Variants in USP21 observed in about 807,000 individuals in gnomAD.
USP21 encodes ubiquitin carboxyl-terminal hydrolase 21.
Under a neutral mutation model 70.8 loss-of-function variants are expected in USP21, and 37 were observed. The observed-to-expected ratio is 0.52, with a 90% confidence interval of 0.40 to 0.69. The LOEUF (loss-of-function observed/expected upper bound fraction) is 0.69. Among genes scored for constraint, USP21 ranks in the 30% least tolerant of loss-of-function variants. The probability of loss-of-function intolerance (pLI) is 0.00; values close to 1 mark genes in which losing one functional copy is unlikely to be tolerated. For synonymous variants in USP21, 263 were observed against 283.1 expected (o/e 0.93, Z 0.71); for missense variants, 584 against 740.8 (o/e 0.79, Z 2.46).
Position 161,164,814 on chromosome 1 carries a change from T to A in USP21, c.1385-21T>A. On this transcript the variant is annotated intron_variant, in intron 11 of 13. Transcript: ENST00000368002. This position sits in a 1 kb window ranked among gnomAD's most constrained non-coding sequence, Gnocchi z 4.2. Reference sequence around the variant, plus strand: ...CCTCAGAGGCCCACTGCCTCCCAAATGCTCCTTAACCAGGGCTTAGATCTG... The same window carrying A: ...CCTCAGAGGCCCACTGCCTCCCAAAAGCTCCTTAACCAGGGCTTAGATCTG... The A allele has an allele frequency of 6.2e-7, 1 of 1,609,484 alleles. No individual in the cohort carries two copies. The highest frequency in any genetic ancestry group is 1.1e-5 in the South Asian group (1 of 90,766).
chr1:161,164,580 C>T lies in USP21; in HGVS notation c.1352C>T (p.Thr451Ile), dbSNP rs764610442. ...AAAACTCGAAGTACCAAAAAGTTGA[C>T]AGTACAAAGATTCCCTCGAATCCTC... is the stretch of plus-strand genomic sequence containing the variant. ...RQKTRSTKKL[T>I]VQRFPRILVL... The change falls in exon 11 of 14, where the codon ACA becomes ATA. Residue 451 changes from threonine (T) to isoleucine (I), a missense_variant. By Grantham distance (89) the Thr-to-Ile change is moderately conservative. Transcript: ENST00000368002. This position sits in a 1 kb window ranked among gnomAD's most constrained non-coding sequence, Gnocchi z 4.2. 10 of 1,614,212 alleles carry T rather than the reference C, an allele frequency of 6.2e-6. No homozygotes were observed. Among genetic ancestry groups the T allele is most frequent in the Non-Finnish European group, 8.5e-6 (10 of 1,180,028 alleles).
At position 161,160,672 on chromosome 1, in the gene USP21, G is replaced by A. The variant is rs780111343; in HGVS notation, c.32G>A (p.Arg11His). Reference sequence around the variant, plus strand: ...CAGGCCTCTGAGCACCGCCTGGGCCGTACCCGAGAGCCACCTGTTAATATC... The same window carrying A: ...CAGGCCTCTGAGCACCGCCTGGGCCATACCCGAGAGCCACCTGTTAATATC... MPQASEHRLG[R>H]TREPPVNIQP... The change falls in exon 3 of 14, where the codon CGT (arginine) becomes CAT (histidine). Residue 11 changes from arginine (R) to histidine (H), a missense_variant. This residue lies in a region of USP21 where 284 missense variants were observed against 281.0 expected (regional missense o/e 1.01). Coordinates refer to ENST00000368002, the MANE Select transcript of USP21 (RefSeq NM_001014443.3). The A allele has an allele frequency of 2.8e-5, 45 of 1,613,838 alleles. No homozygotes were observed. Among genetic ancestry groups the A allele is most frequent in the African/African-American group, 5.3e-5 (4 of 74,894 alleles).
chr1:161,163,830 A>G (rs1310994010), intron 8 of USP21, 48 bp from the exon 9 acceptor site: 11 of 1,554,574 alleles, frequency 7.1e-6, no homozygotes, highest in East Asian at 2.2e-5. Flanking sequence ...AAATCATCTC[A>G]TAACATCCAA....
Position 161,161,931 on chromosome 1 carries a change from G to T in USP21, c.601-107G>T. On this transcript the variant is annotated intron_variant, in intron 3 of 13. Coordinates refer to ENST00000368002, the MANE Select transcript of USP21 (RefSeq NM_001014443.3). The surrounding 1 kb of genome is among the most constrained non-coding windows in gnomAD (Gnocchi z 4.2). ...TGAGGGGAATAGGGTAGAGTTTGGG[G>T]ATGAAACATGCATGGGATGGGGGAG... is the stretch of plus-strand genomic sequence containing the variant. The T allele has an allele frequency of 9.1e-7, 1 of 1,093,200 alleles. No individual in the cohort carries two copies. Among genetic ancestry groups the T allele is most frequent in the Non-Finnish European group, 1.4e-6 (1 of 707,446 alleles). 67.7% of individuals were successfully genotyped at this position (1,093,200 alleles called of 1,614,324 possible).
rs1218030997 is a variant in USP21, at chr1:161,165,489, T to C, written c.*42T>C. ...CACCTGTGAAGCCCTTTAAACACCC[T>C]TAAGCCCCAGGCTCCCCGTTTACCT... On this transcript the variant is annotated 3_prime_UTR_variant, in exon 14 of 14. Transcript: ENST00000368002. The C allele has an allele frequency of 1.4e-6, 2 of 1,466,028 alleles. No individual in the cohort carries two copies. Among genetic ancestry groups the C allele is most frequent in the Non-Finnish European group, 1.9e-6 (2 of 1,058,392 alleles). 90.8% of individuals were successfully genotyped at this position (1,466,028 alleles called of 1,614,324 possible). A position where few individuals can be genotyped will look rare whatever the true frequency, so the allele number is the denominator to read the frequency against.
chr1:161,160,279 G>A, intron 1 of USP21, 87 bp from the exon 2 acceptor site: 1 of 270,132 alleles, frequency 3.7e-6, no homozygotes, highest in Admixed American at 4.9e-5. Context: ...AGTATAGAAA[G>A]GGTCAAAGCC....
At chr1:161,163,694 C>T in intron 8 of USP21, 75 bp downstream of exon 8, 1 of 1,486,466 alleles carries the variant, frequency 6.7e-7, no homozygotes, top group Non-Finnish European at 9.4e-7. Flanking sequence ...AAAATCGATA[C>T]TATCAAGGGG....
At position 161,165,028 on chromosome 1, in the gene USP21, G is replaced by A. The variant is rs1658454087; in HGVS notation, c.1493-1G>A. The A allele has an allele frequency of 6.2e-7, 1 of 1,613,934 alleles. No individual in the cohort carries two copies. The highest frequency in any genetic ancestry group is 8.5e-7 in the Non-Finnish European group (1 of 1,179,928). ...GAACTTGATCATCTCCAACCCCGCA[G>A]GAAGTCCTGTATACCAGCTGTATGC... On this transcript the variant is annotated splice_acceptor_variant, in intron 12 of 13. Coordinates refer to ENST00000368002, the MANE Select transcript of USP21 (RefSeq NM_001014443.3). LOFTEE classifies it high-confidence loss of function.
rs766575729 is a variant in USP21 at position 161,164,906 on chromosome 1, C to T, written c.1456C>T (p.Arg486Ter). 6.2e-7 allele frequency: 1 copy of T among 1,614,112 alleles called. No homozygotes were observed. The highest frequency in any genetic ancestry group is 1.1e-5 in the South Asian group (1 of 91,074). Residue 486 changes from arginine (R) to a stop codon, truncating the protein, a stop_gained, in exon 12 of 14, where the codon CGA (arginine) becomes TGA (stop). Coordinates refer to ENST00000368002, the MANE Select transcript of USP21 (RefSeq NM_001014443.3). LOFTEE classifies it high-confidence loss of function. This position sits in a 1 kb window ranked among gnomAD's most constrained non-coding sequence, Gnocchi z 4.2. Reference sequence around the variant, plus strand: ...AGTAGGTGTAGACTTTCCACTGCAGCGACTGAGCCTAGGGGACTTTGCCAG... The same window carrying T: ...AGTAGGTGTAGACTTTCCACTGCAGTGACTGAGCCTAGGGGACTTTGCCAG... Reference protein sequence around the residue: ...SSVGVDFPLQRLSLGDFASDK... With the variant: ...SSVGVDFPLQ
Position 161,165,454 on chromosome 1 carries a change from TA to T in USP21, c.*9del, listed in dbSNP as rs1430746167. Reference sequence around the variant, plus strand: ...GCCACCCCGGTGCCTGTGACACCTCTAAGCTCTGGCACCTGTGAAGCCCTTT... The same window carrying T: ...GCCACCCCGGTGCCTGTGACACCTCTAGCTCTGGCACCTGTGAAGCCCTTT... On this transcript the variant is annotated 3_prime_UTR_variant, in exon 14 of 14. Coordinates refer to ENST00000368002, the MANE Select transcript of USP21 (RefSeq NM_001014443.3). 1.2e-6 allele frequency: 2 copies of T among 1,610,632 alleles called. No individual in the cohort carries two copies. The highest frequency in any genetic ancestry group is 2.7e-5 in the African/African-American group (2 of 74,902).
In USP21 at chr1:161,161,428, A is replaced by C; in HGVS notation, c.600+188A>C. The C allele has an allele frequency of 1.5e-6, 1 of 665,538 alleles. No homozygotes were observed. Among genetic ancestry groups the C allele is most frequent in the Non-Finnish European group, 2.4e-6 (1 of 411,078 alleles). 41.2% of individuals were successfully genotyped at this position (665,538 alleles called of 1,614,324 possible). On this transcript the variant is annotated intron_variant, in intron 3 of 13. Transcript: ENST00000368002. The surrounding 1 kb of genome is among the most constrained non-coding windows in gnomAD (Gnocchi z 4.2). ...TAGACCCTTTTTTGGGTTGTTGGTG[A>C]CTCTTCAGCATGGTGTGCCATTTCG...
chr1:161,165,172 C>G, intron 13 of USP21, 29 bp downstream of exon 13: 1 of 1,592,158 alleles, frequency 6.3e-7, no homozygotes. Flanking sequence ...TTACATCCTG[C>G]CCCATTCCCA....
rs1459765488 is a variant in USP21 at position 161,165,682 on chromosome 1, T to C, written c.*235T>C. On this transcript the variant is annotated 3_prime_UTR_variant, in exon 14 of 14. Coordinates refer to ENST00000368002, the MANE Select transcript of USP21 (RefSeq NM_001014443.3). ...CTGCCCATGTACAGCCCCCAGACCCTCTGCAATATCACTTTTTGTGAATAA... is the reference window on the plus strand; with the variant it reads ...CTGCCCATGTACAGCCCCCAGACCCCCTGCAATATCACTTTTTGTGAATAA... 2.3e-6 allele frequency: 1 copy of C among 431,698 alleles called. No individual in the cohort carries two copies. Among genetic ancestry groups the C allele is most frequent in the African/African-American group, 2.0e-5 (1 of 50,392 alleles). The allele number at this position is 431,698 out of a possible 1,614,324, so 26.7% of individuals were successfully genotyped here. A position where few individuals can be genotyped will look rare whatever the true frequency, so the allele number is the denominator to read the frequency against.
rs1658001608 is a variant in USP21, at chr1:161,162,453, A to G, written c.781+63A>G. 2 of 1,566,800 alleles carry G rather than the reference A, an allele frequency of 1.3e-6. No individual in the cohort carries two copies. The highest frequency in any genetic ancestry group is 8.7e-7 in the Non-Finnish European group (1 of 1,154,300). ...TTTTTCCCCAACCACTTGCAGGTCCATCTGCCACTGGTGGTGGCCCCCAAC... is the reference window on the plus strand; with the variant it reads ...TTTTTCCCCAACCACTTGCAGGTCCGTCTGCCACTGGTGGTGGCCCCCAAC... On this transcript the variant is annotated intron_variant, in intron 5 of 13. Coordinates refer to ENST00000368002, the MANE Select transcript of USP21 (RefSeq NM_001014443.3). This position sits in a 1 kb window ranked among gnomAD's most constrained non-coding sequence, Gnocchi z 4.1.
At position 161,165,015 on chromosome 1, in the gene USP21, C is replaced by T. The variant is rs763050019; in HGVS notation, c.1493-14C>T. On this transcript the variant is annotated splice_polypyrimidine_tract_variant and intron_variant, in intron 12 of 13. Transcript: ENST00000368002. ...AGCTCTGATTATAGAACTTGATCAT[C>T]TCCAACCCCGCAGGAAGTCCTGTAT... 1.9e-5 allele frequency: 31 copies of T among 1,613,850 alleles called. No individual in the cohort carries two copies. The highest frequency in any genetic ancestry group is 2.0e-5 in the Non-Finnish European group (24 of 1,179,798).
chr1:161,161,952 G>A lies in USP21; in HGVS notation c.601-86G>A. On this transcript the variant is annotated intron_variant, in intron 3 of 13. Coordinates refer to ENST00000368002, the MANE Select transcript of USP21 (RefSeq NM_001014443.3). The surrounding 1 kb of genome is among the most constrained non-coding windows in gnomAD (Gnocchi z 4.2). ...TGGGGATGAAACATGCATGGGATGG[G>A]GGAGGCAGTGGGCAGCATGCTGTTG... 1 of 1,282,598 alleles carries A rather than the reference G, an allele frequency of 7.8e-7. No individual in the cohort carries two copies. The allele number at this position is 1,282,598 out of a possible 1,614,324, so 79.5% of individuals were successfully genotyped here. A position where few individuals can be genotyped will look rare whatever the true frequency, so the allele number is the denominator to read the frequency against.
rs184941830 is a variant in USP21 at position 161,164,605 on chromosome 1, C to T, written c.1377C>T (p.Leu459=). ...KLTVQRFPRI[L]VLHLNRFSAS... ...CAGTACAAAGATTCCCTCGAATCCT[C>T]GTGCTCCATATCCTAATCTTCAGAT... Residue 459 remains leucine (L), a synonymous_variant, in exon 11 of 14, where the codon CTC becomes CTT. Coordinates refer to ENST00000368002, the MANE Select transcript of USP21 (RefSeq NM_001014443.3). This position sits in a 1 kb window ranked among gnomAD's most constrained non-coding sequence, Gnocchi z 4.2. 2.5e-6 allele frequency: 4 copies of T among 1,614,128 alleles called. No homozygotes were observed. Among genetic ancestry groups the T allele is most frequent in the East Asian group, 2.2e-5 (1 of 44,886 alleles).
chr1:161,165,521 C>A lies in USP21; in HGVS notation c.*74C>A. The A allele has an allele frequency of 1.1e-6, 1 of 950,724 alleles. No individual in the cohort carries two copies. Among genetic ancestry groups the A allele is most frequent in the Non-Finnish European group, 1.5e-6 (1 of 657,586 alleles). The allele number at this position is 950,724 out of a possible 1,614,324, so 58.9% of individuals were successfully genotyped here. A position where few individuals can be genotyped will look rare whatever the true frequency, so the allele number is the denominator to read the frequency against. ...CCAGGCTCCCCGTTTACCTCAGAGACGTCTATTTTTGTGTCTTTTTAATCG... is the reference window on the plus strand; with the variant it reads ...CCAGGCTCCCCGTTTACCTCAGAGAAGTCTATTTTTGTGTCTTTTTAATCG... On this transcript the variant is annotated 3_prime_UTR_variant, in exon 14 of 14. Transcript: ENST00000368002.
chr1:161,162,887 G>A lies in USP21; in HGVS notation c.894-32G>A, dbSNP rs755903782. 6.3e-7 allele frequency: 1 copy of A among 1,599,344 alleles called. No individual in the cohort carries two copies. Among genetic ancestry groups the A allele is most frequent in the South Asian group, 1.1e-5 (1 of 89,710 alleles). The stretch of plus-strand genomic sequence containing the variant: ...ATAGTGTCTGTGGACTAGGAGAGGA[G>A]TCAGTTGCCCATACTCTTTGTCTGG... On this transcript the variant is annotated intron_variant, in intron 6 of 13. Coordinates refer to ENST00000368002, the MANE Select transcript of USP21 (RefSeq NM_001014443.3). The surrounding 1 kb of genome is among the most constrained non-coding windows in gnomAD (Gnocchi z 4.1).
Sources: allele counts gnomAD v4.1 joint callset, GRCh38; gene constraint gnomAD v4.1.1; regional missense constraint gnomAD v4.1.1; non-coding constraint Gnocchi (gnomAD v3.1); transcripts MANE v1.5; gene names NCBI Gene and HGNC (gene_info 2026-07-23, HGNC 2026-07-21).